Variants in ATR observed in about 807,000 individuals in gnomAD.
ATR encodes serine/threonine-protein kinase ATR.
Under a neutral mutation model 305.3 loss-of-function variants are expected in ATR, and 142 were observed. The observed-to-expected ratio is 0.47, with a 90% CI of 0.41 to 0.53. The LOEUF (loss-of-function observed/expected upper bound fraction) is 0.53, where lower values mean the gene tolerates loss of function less well. Among genes scored for constraint, ATR ranks in the 20% least tolerant of loss-of-function variants. The pLI, the probability that ATR is intolerant of heterozygous loss-of-function variation, is 0.00. For missense variants in ATR, 2,135 were observed against 3,133.1 expected (o/e 0.68, Z 7.60); for synonymous variants, 1,050 against 1,068.1 (o/e 0.98, Z 0.33).
chr3:142,515,559 G>C, intron 24 of ATR, 44 bp from the exon 25 acceptor site: 1 of 1,554,734 alleles, frequency 6.4e-7, no homozygotes, highest in South Asian at 1.1e-5. Flanking sequence ...AAATCCACCT[G>C]TTTAGAATTT....
intron 2 of ATR, among the ~76,000 whole-genome samples, chr3:142,567,622 A>C (rs2035118475): frequency 6.6e-6 from 1 of 152,172 alleles, no homozygotes; most frequent in African/African-American, 2.4e-5. Context: ...AACAGGCAAT[A>C]ATTGATTCAG....
At chr3:142,484,651 T>C (rs1403805478) in intron 36 of ATR, among the ~76,000 whole-genome samples, 1 of 152,164 alleles carries the variant, frequency 6.6e-6, no homozygotes, top group Non-Finnish European at 1.5e-5. Context: ...GAACCCCAAC[T>C]TGAAGCCAGT....
Position 142,558,972 on chromosome 3 carries a change from T to C in ATR, c.1733-196A>G, listed in dbSNP as rs115339114. The C allele has an allele frequency of 0.017, 10,799 of 639,666 alleles. 130 individuals carry two copies. Among genetic ancestry groups the C allele is most frequent in the Non-Finnish European group, 0.023 (8,717 of 387,386 alleles). 39.6% of individuals were successfully genotyped at this position (639,666 alleles called of 1,614,324 possible). A position where few individuals can be genotyped will look rare whatever the true frequency, so the allele number is the denominator to read the frequency against. On this transcript the variant is annotated intron_variant, in intron 7 of 46. Transcript: ENST00000350721. ...AATGTGACTTTATAAAAACATGTTATCTATGCCTGTTTTAAAGAAGAATCA... is the reference window on the plus strand; with the variant it reads ...AATGTGACTTTATAAAAACATGTTACCTATGCCTGTTTTAAAGAAGAATCA...
Position 142,449,416 on chromosome 3 carries a change from A to G in ATR, c.*13T>C. On this transcript the variant is annotated 3_prime_UTR_variant, in exon 47 of 47. Transcript: ENST00000350721. ...TTTTAGATTATTAACATATTCTTTT[A>G]CATAATTTCATTTCACATATATGGA... 6.3e-7 allele frequency: 1 copy of G among 1,587,444 alleles called. No individual in the cohort carries two copies. The highest frequency in any genetic ancestry group is 2.2e-5 in the East Asian group (1 of 44,702).
At chr3:142,522,650 T>G (rs1559962060) in intron 23 of ATR, 78 bp downstream of exon 23, 10 of 1,226,256 alleles carry the variant, frequency 8.2e-6, no homozygotes, top group Non-Finnish European at 1.1e-5. Flanking sequence ...CAAAAAGGAG[T>G]TTCACAAGTA....
At chr3:142,452,123 C>A (rs2070805386) in intron 46 of ATR, 1 of 1,016,788 alleles carries the variant, frequency 9.8e-7, no homozygotes, top group Non-Finnish European at 1.2e-6. Context: ...GCAGCTAAAC[C>A]TTCTTTCTCA....
intron 21 of ATR, among the ~76,000 whole-genome samples, chr3:142,528,281 A>C (rs2033480414): frequency 6.6e-6 from 1 of 152,160 alleles, no homozygotes; most frequent in East Asian, 1.9e-4. Flanking sequence ...CTACTAACTT[A>C]TTTTATACTG....
In ATR at chr3:142,479,583, G is replaced by A. The variant is rs376935660; in HGVS notation, c.6221+5557C>T. Among the ~76,000 whole-genome samples, 9 of 152,104 alleles carry A rather than the reference G, an allele frequency of 5.9e-5. No homozygotes were observed. The East Asian group carries it at 7.7e-4, about 13-fold the overall frequency. On this transcript the variant is annotated intron_variant, in intron 36 of 46. Coordinates refer to ENST00000350721, the MANE Select transcript of ATR (RefSeq NM_001184.4). ...TATGTGTCTTGGAGTTGCTCTTCTC[G>A]AGGAGTATCTTTGTGGCGTTCTCTG... is the stretch of plus-strand genomic sequence containing the variant.
chr3:142,563,753 T>C (rs755944180), intron 3 of ATR, among the ~76,000 whole-genome samples: 2 of 152,194 alleles, frequency 1.3e-5, no homozygotes, highest in Admixed American at 6.5e-5. Context: ...GAGGAAGGCA[T>C]GTTGAAAGCC....
At chr3:142,482,210 C>G (rs546444311) in intron 36 of ATR, among the ~76,000 whole-genome samples, 56 of 151,964 alleles carry the variant, frequency 3.7e-4, no homozygotes, top group Non-Finnish European at 6.6e-4. Flanking sequence ...TAATTGGATC[C>G]TAGATTCTTA....
chr3:142,561,748 TA>T (rs1314864832), intron 4 of ATR, among the ~76,000 whole-genome samples: 1 of 152,204 alleles, frequency 6.6e-6, no homozygotes, highest in Non-Finnish European at 1.5e-5. Context: ...CCAGCAAGAT[TA>T]ATAAACTAAA....
At chr3:142,454,371 T>C (rs1237729685) in intron 45 of ATR, among the ~76,000 whole-genome samples, 1 of 152,164 alleles carries the variant, frequency 6.6e-6, no homozygotes, top group East Asian at 1.9e-4. Flanking sequence ...ATACTTCCTA[T>C]TTCAGAGAAT....
At chr3:142,529,784 C>T (rs549600590) in intron 21 of ATR, among the ~76,000 whole-genome samples, 2 of 152,068 alleles carry the variant, frequency 1.3e-5, no homozygotes, top group Non-Finnish European at 2.9e-5. Context: ...ACTGAGAATT[C>T]TGATACCAAT....
At chr3:142,477,981 T>G (rs2030030812) in intron 36 of ATR, among the ~76,000 whole-genome samples, 1 of 152,220 alleles carries the variant, frequency 6.6e-6, no homozygotes, top group Non-Finnish European at 1.5e-5. Context: ...CTTCTCTCTT[T>G]TCTTCTTTAT....
Position 142,540,916 on chromosome 3 carries a change from T to A in ATR, c.3569A>T (p.Glu1190Val), listed in dbSNP as rs1210580484. The change falls in exon 18 of 47, where the codon GAA becomes GTA. Residue 1190 changes from glutamate to valine, a missense_variant. Transcript: ENST00000350721. The part of the protein sequence containing the change: ...TGLRFKDDFP[E>V]LCCRAWDCFV... ...GGCAGTCATTTACCTGCAACACAAT[T>A]CAGGAAAATCATCCTTGAATCGAAG... The A allele has an allele frequency of 6.2e-7, 1 of 1,611,804 alleles. No homozygotes were observed. The highest frequency in any genetic ancestry group is 1.1e-5 in the South Asian group (1 of 90,762).
intron 36 of ATR, among the ~76,000 whole-genome samples, chr3:142,477,629 C>T (rs990913037): frequency 6.6e-6 from 1 of 152,216 alleles, no homozygotes; most frequent in Non-Finnish European, 1.5e-5. Context: ...GGAGGACTCC[C>T]TCTTTCTCTA....
chr3:142,570,675 A>G (rs1167839054), intron 1 of ATR, among the ~76,000 whole-genome samples: 1 of 152,240 alleles, frequency 6.6e-6, no homozygotes, highest in Non-Finnish European at 1.5e-5. Flanking sequence ...GGTGTGAGCC[A>G]CCATGCCCGG....
chr3:142,526,067 G>C (rs2033376215), intron 21 of ATR, among the ~76,000 whole-genome samples: 1 of 151,938 alleles, frequency 6.6e-6, no homozygotes, highest in African/African-American at 2.4e-5. Context: ...TTTTTCTTTT[G>C]TTGGTGTATG....
In ATR at chr3:142,496,980, A is replaced by T. The variant is rs771459440; in HGVS notation, c.5738+33T>A. 1.4e-5 allele frequency: 22 copies of T among 1,589,044 alleles called. 1 individual carries two copies. In the South Asian group the frequency reaches 2.2e-4, roughly 16 times the overall value. ...ATATCCAAATACCAAATTCAAGATA[A>T]GTGACATTTTTAAAAAAAGTAGTGT... On this transcript the variant is annotated intron_variant, in intron 33 of 46. Coordinates refer to ENST00000350721, the MANE Select transcript of ATR (RefSeq NM_001184.4).
Sources: gnomAD v4.1 joint callset for allele counts (sites outside exome capture counted in the v4.1 genomes callset) on GRCh38, gnomAD v4.1.1 for gene constraint, MANE v1.5 for transcripts, NCBI Gene and HGNC (gene_info 2026-07-23, HGNC 2026-07-21) for gene names.